Variants in U2SURP observed in about 807,000 individuals in gnomAD.
U2SURP encodes U2 snRNP-associated SURP motif-containing protein.
A neutral mutation model predicts 144.9 loss-of-function variants in U2SURP; 9 were observed. That is an observed-to-expected ratio of 0.06 (90% CI 0.04 to 0.11). The LOEUF (loss-of-function observed/expected upper bound fraction) is 0.11. Among genes scored for constraint, U2SURP ranks in the 10% least tolerant of loss-of-function variants. The pLI, the probability that U2SURP is intolerant of heterozygous loss-of-function variation, is 1.00. For synonymous variants in U2SURP, 408 were observed against 396.8 expected (o/e 1.03, Z -0.33); for missense variants, 724 against 1,226.7 (o/e 0.59, Z 6.12).
intron 9 of U2SURP, 25 bp downstream of exon 9, chr3:143,021,410 A>G: frequency 6.2e-7 from 1 of 1,606,560 alleles, no homozygotes; most frequent in Non-Finnish European, 8.5e-7. Context: ...TGCTCTTTTA[A>G]TCGATAAATT....
rs985405481 is a variant in U2SURP, at chr3:143,057,643, T to A, written c.*1193T>A. ...AAATATAATAAAGGGTTATGTAGAA[T>A]TGAACTGACACTATTATTTGTGAAT... On this transcript the variant is annotated 3_prime_UTR_variant, in exon 28 of 28. Coordinates refer to ENST00000473835, the MANE Select transcript of U2SURP (RefSeq NM_001080415.2). 6.6e-6 allele frequency: 1 copy of A among 151,958 alleles called. No homozygotes were observed. 9.4% of individuals were successfully genotyped at this position (151,958 alleles called of 1,614,324 possible). A position where few individuals can be genotyped will look rare whatever the true frequency, so the allele number is the denominator to read the frequency against.
intron 24 of U2SURP, among the ~76,000 whole-genome samples, chr3:143,043,969 G>A (rs1473759796): frequency 3.3e-5 from 5 of 151,804 alleles, no homozygotes; most frequent in African/African-American, 7.3e-5. Context: ...TAGCCAGGAT[G>A]GTCTTGATCT....
At chr3:143,055,340 A>G (rs1935094071) in intron 27 of U2SURP, among the ~76,000 whole-genome samples, 1 of 152,116 alleles carries the variant, frequency 6.6e-6, no homozygotes, top group South Asian at 2.1e-4. Flanking sequence ...ACCAGCCAAG[A>G]ATTTTAAACA....
intron 27 of U2SURP, among the ~76,000 whole-genome samples, chr3:143,055,432 A>T (rs1236871631): frequency 6.6e-6 from 1 of 152,020 alleles, no homozygotes; most frequent in African/African-American, 2.4e-5. Flanking sequence ...ATATTATTTG[A>T]TTTTTGTCAA....
chr3:143,030,852 C>T (rs1286396885), intron 16 of U2SURP, among the ~76,000 whole-genome samples: 1 of 151,916 alleles, frequency 6.6e-6, no homozygotes, highest in African/African-American at 2.4e-5. Context: ...TCAAGACCAG[C>T]CTGAGCAATA....
chr3:143,012,116 T>A, intron 2 of U2SURP, 106 bp from the exon 3 acceptor site: 1 of 1,360,940 alleles, frequency 7.3e-7, no homozygotes, highest in Admixed American at 2.1e-5. Flanking sequence ...TTTGATAATC[T>A]ACAATGAAAT....
At chr3:143,013,918 A>G (rs1936235317) in intron 3 of U2SURP, among the ~76,000 whole-genome samples, 1 of 152,212 alleles carries the variant, frequency 6.6e-6, no homozygotes, top group Middle Eastern at 3.4e-3. Flanking sequence ...CCCCAGGACC[A>G]TGGAAATGTT....
At position 143,028,520 on chromosome 3, in the gene U2SURP, G is replaced by C. The variant is rs1343149169; in HGVS notation, c.1484G>C (p.Arg495Pro). 2 of 1,594,214 alleles carry C rather than the reference G, an allele frequency of 1.3e-6. No homozygotes were observed. The highest frequency in any genetic ancestry group is 1.4e-5 in the African/African-American group (1 of 73,464). Residue 495 changes from arginine to proline, a missense_variant, in exon 16 of 28, where the codon CGT becomes CCT. Arg to Pro is a moderately radical substitution (Grantham distance 103). Transcript: ENST00000473835. ...ACTAAATGGCGGACGGAAGATTTTC[G>C]TATGTTCAAAAATGGATCTTTTTGG... ...SPTKWRTEDF[R>P]MFKNGSFWRP...
chr3:143,027,121 A>G, intron 13 of U2SURP, 28 bp from the exon 14 acceptor site: 2 of 1,562,154 alleles, frequency 1.3e-6, no homozygotes, highest in Non-Finnish European at 8.8e-7. Context: ...GTCTGAATCC[A>G]TTTTCTTTAA....
intron 23 of U2SURP, among the ~76,000 whole-genome samples, chr3:143,041,545 A>G (rs1478058222): frequency 6.6e-6 from 1 of 151,922 alleles, no homozygotes; most frequent in Non-Finnish European, 1.5e-5. Flanking sequence ...AGAAATTTAA[A>G]AGCTAGTATC....
At chr3:143,037,372 T>TA in intron 21 of U2SURP, 37 bp downstream of exon 21, 19 of 1,591,602 alleles carry the variant, frequency 1.2e-5, no homozygotes, top group Non-Finnish European at 1.6e-5. Context: ...ATCTAGCTAA[T>TA]ACATTTGGTG....
In U2SURP at chr3:143,028,495, A is replaced by T; in HGVS notation, c.1459A>T (p.Thr487Ser). 6.3e-7 allele frequency: 1 copy of T among 1,595,240 alleles called. No homozygotes were observed. The highest frequency in any genetic ancestry group is 8.5e-7 in the Non-Finnish European group (1 of 1,174,786). The change falls in exon 16 of 28, where the codon ACT becomes TCT. Residue 487 changes from threonine (T) to serine (S), a missense_variant. Around this residue, in one of 13 missense-constraint regions of U2SURP, gnomAD observed 66 missense variants for 95.0 expected, o/e 0.69. Transcript: ENST00000473835. ...AAATGTTTGTTAGGGAGATTCTCCA[A>T]CTAAATGGCGGACGGAAGATTTTCG... Reference protein sequence around the residue: ...LYSILQGDSPTKWRTEDFRMF... With the variant: ...LYSILQGDSPSKWRTEDFRMF...
intron 6 of U2SURP, among the ~76,000 whole-genome samples, chr3:143,018,573 A>G (rs1298505206): frequency 6.6e-6 from 1 of 151,886 alleles, no homozygotes; most frequent in African/African-American, 2.4e-5. Context: ...ATGTATATAC[A>G]CACACCGAGA....
chr3:143,025,124 C>A (rs1466979739), intron 13 of U2SURP, among the ~76,000 whole-genome samples: 1 of 151,940 alleles, frequency 6.6e-6, no homozygotes, highest in African/African-American at 2.4e-5. Flanking sequence ...TTTAAATAAT[C>A]ATGAAACATT....
intron 25 of U2SURP, 70 bp downstream of exon 25, chr3:143,051,119 A>G: frequency 2.3e-6 from 2 of 862,474 alleles, no homozygotes; most frequent in Non-Finnish European, 3.6e-6. Flanking sequence ...GAATACTGGT[A>G]TACCTAAAGA....
At chr3:143,050,467 G>A (rs1934797717) in intron 24 of U2SURP, among the ~76,000 whole-genome samples, 1 of 152,168 alleles carries the variant, frequency 6.6e-6, no homozygotes. Flanking sequence ...TCTGGTGATT[G>A]CACTGTGAGT....
chr3:143,047,535 C>T (rs1373568059), intron 24 of U2SURP, among the ~76,000 whole-genome samples: 3 of 38,694 alleles, frequency 7.8e-5, no homozygotes, highest in African/African-American at 3.3e-4. Flanking sequence ...GGCAGAGGAG[C>T]CCCTCACCTC....
In U2SURP at chr3:143,034,963, T is replaced by C; in HGVS notation, c.1929T>C (p.Ser643=). The C allele has an allele frequency of 1.3e-6, 2 of 1,568,632 alleles. No individual in the cohort carries two copies. Among genetic ancestry groups the C allele is most frequent in the East Asian group, 2.3e-5 (1 of 42,902 alleles). The stretch of plus-strand genomic sequence containing the variant: ...GTACAATTCAAGGCCATTTACAATC[T>C]GAAAACTTTAAGGTACGTTTATTGT... ...TYRTIQGHLQ[S]ENFKQRVMTC... The change falls in exon 19 of 28, where the codon TCT becomes TCC. Residue 643 remains serine, a synonymous_variant. Transcript: ENST00000473835.
Position 143,033,056 on chromosome 3 carries a change from C to T in U2SURP, c.1773+110C>T, listed in dbSNP as rs1475229895. On this transcript the variant is annotated intron_variant, in intron 17 of 27. Transcript: ENST00000473835. ...ACTGATGAGATTTTTCCCATGCAGTCTTATGTTATTTCTGCTTGGAAATTT... is the reference window on the plus strand; with the variant it reads ...ACTGATGAGATTTTTCCCATGCAGTTTTATGTTATTTCTGCTTGGAAATTT... 3 of 1,249,974 alleles carry T rather than the reference C, an allele frequency of 2.4e-6. No homozygotes were observed. In the South Asian group the frequency reaches 4.5e-5, roughly 19 times the overall value. The allele number at this position is 1,249,974 out of a possible 1,614,324, so 77.4% of individuals were successfully genotyped here.
Sources: gnomAD v4.1 joint callset for allele counts (sites outside exome capture counted in the v4.1 genomes callset) on GRCh38, gnomAD v4.1.1 for gene constraint, gnomAD v4.1.1 regional missense constraint, MANE v1.5 for transcripts, NCBI Gene and HGNC (gene_info 2026-07-23, HGNC 2026-07-21) for gene names.